The following GTSF1 variants were observed in gnomAD, a reference collection of about 807,000 sequenced individuals.
GTSF1 encodes gametocyte specific factor 1, also known as gametocyte-specific factor 1.
In GTSF1, 11 loss-of-function variants were observed where a neutral mutation model predicts 28.9. The observed-to-expected ratio is 0.38, with a 90% confidence interval of 0.24 to 0.63. The LOEUF is 0.63. Among genes scored for constraint, GTSF1 ranks in the 30% least tolerant of loss-of-function variants. GTSF1 has a pLI of 0.56. For synonymous variants in GTSF1, 69 were observed against 65.6 expected, an observed-to-expected ratio of 1.05 and a Z score of -0.25; for missense variants, 146 against 201.0, an observed-to-expected ratio of 0.73 and a Z score of 1.66.
At chr12:54,456,863 A>C (rs940500728) in intron 8 of GTSF1, among the ~76,000 whole-genome samples, 1 of 152,140 alleles carries the variant, frequency 6.6e-6, no homozygotes, top group African/African-American at 2.4e-5. Context: ...GGCGGGTGGA[A>C]CACCTGAGGT....
intron 6 of GTSF1, 96 bp from the exon 7 acceptor site, chr12:54,460,567 AAAC>A: frequency 1.3e-6 from 1 of 771,196 alleles, no homozygotes; most frequent in Admixed American, 2.3e-5. Flanking sequence ...ATTTGGGGAA[AAAC>A]AACAACCTAC....
intron 6 of GTSF1, 28 bp from the exon 7 acceptor site, chr12:54,460,499 G>A (rs756342848): frequency 6.0e-6 from 9 of 1,505,442 alleles, no homozygotes; most frequent in East Asian, 2.3e-5. Context: ...TGGCTATGTC[G>A]GCAGATCAGT....
intron 4 of GTSF1, 151 bp from the exon 5 acceptor site, chr12:54,462,876 C>G (rs1956447299): frequency 3.2e-6 from 2 of 632,338 alleles, no homozygotes. Context: ...GGGATCTTAT[C>G]TCTTTGCTGA....
chr12:54,463,262 A>G lies in GTSF1; in HGVS notation c.153T>C (p.Cys51=). ...GAACCTGGTGGCGAGCATTGAAGGG[A>G]CAAGTAGCCAATTTGCTTGCAACAT... ...HPDVASKLAT[C]PFNARHQVPR... is the part of the protein sequence containing the mutation. Residue 51 remains cysteine (C), a synonymous_variant, in exon 4 of 9, where the codon TGT becomes TGC. Coordinates refer to ENST00000305879, the MANE Select transcript of GTSF1 (RefSeq NM_144594.3). 6.2e-7 allele frequency: 1 copy of G among 1,613,956 alleles called. No homozygotes were observed. Among genetic ancestry groups the G allele is most frequent in the Non-Finnish European group, 8.5e-7 (1 of 1,179,848 alleles).
chr12:54,463,419 T>C, intron 3 of GTSF1, 122 bp from the exon 4 acceptor site: 1 of 801,998 alleles, frequency 1.2e-6, no homozygotes, highest in Non-Finnish European at 2.0e-6. Context: ...CTGGCTTAAC[T>C]ATAACAAGTA....
chr12:54,457,986 G>A (rs909362689), intron 8 of GTSF1, among the ~76,000 whole-genome samples: 8 of 152,182 alleles, frequency 5.3e-5, no homozygotes, highest in Non-Finnish European at 1.0e-4. Flanking sequence ...ACTACAAAAT[G>A]AAACTAACTC....
intron 7 of GTSF1, 104 bp from the exon 8 acceptor site, chr12:54,459,229 T>C (rs1302209713): frequency 6.9e-7 from 1 of 1,445,448 alleles, no homozygotes; most frequent in African/African-American, 1.4e-5. Flanking sequence ...GTATACTGAA[T>C]TATAATATAA....
At chr12:54,472,130 GAT>G in intron 1 of GTSF1, 1 of 149,596 alleles carries the variant, frequency 6.7e-6, no homozygotes, top group African/African-American at 2.5e-5. Context: ...TAAAAATACA[GAT>G]AGGCAGGTTA....
intron 2 of GTSF1, chr12:54,467,058 G>A (rs1956527815): frequency 6.6e-6 from 1 of 151,862 alleles, no homozygotes; most frequent in Non-Finnish European, 1.5e-5. Flanking sequence ...CCTTATTGTT[G>A]TGCAACTAGT....
At chr12:54,462,576 C>T (rs1480085750) in intron 5 of GTSF1, 66 bp downstream of exon 5, 1 of 1,345,004 alleles carries the variant, frequency 7.4e-7, no homozygotes, top group South Asian at 1.2e-5. Context: ...GAAAATCTTC[C>T]TTCTGTCTTA....
chr12:54,464,997 T>C, intron 3 of GTSF1, 70 bp downstream of exon 3: 1 of 871,422 alleles, frequency 1.1e-6, no homozygotes, highest in Non-Finnish European at 1.8e-6. Context: ...GATAAAATTA[T>C]TTGATATTTA....
intron 2 of GTSF1, among the ~76,000 whole-genome samples, chr12:54,470,718 T>C (rs568509129): frequency 6.6e-6 from 1 of 152,100 alleles, no homozygotes. Context: ...CTATGTAAAC[T>C]TGGGCAAAAT....
chr12:54,456,728 A>C (rs779811525), intron 8 of GTSF1, among the ~76,000 whole-genome samples: 6 of 152,260 alleles, frequency 3.9e-5, no homozygotes, highest in Admixed American at 6.5e-5. Flanking sequence ...GCATAGTCAT[A>C]TCTTTTATTT....
intron 4 of GTSF1, 96 bp from the exon 5 acceptor site, chr12:54,462,821 T>C (rs1956446520): frequency 3.3e-6 from 3 of 917,762 alleles, no homozygotes; most frequent in African/African-American, 1.7e-5. Flanking sequence ...GGGTAGCCTG[T>C]TGGGTCTTTA....
intron 6 of GTSF1, among the ~76,000 whole-genome samples, chr12:54,461,638 C>G (rs1481808184): frequency 6.6e-6 from 1 of 151,962 alleles, no homozygotes; most frequent in Non-Finnish European, 1.5e-5. Context: ...GTCCCTGTCT[C>G]TAAAAAAATA....
At chr12:54,463,567 G>A (rs906904471) in intron 3 of GTSF1, among the ~76,000 whole-genome samples, 1 of 152,150 alleles carries the variant, frequency 6.6e-6, no homozygotes, top group African/African-American at 2.4e-5. Flanking sequence ...AATGAATTTA[G>A]GATTGGGTAT....
intron 8 of GTSF1, among the ~76,000 whole-genome samples, chr12:54,457,991 T>C (rs971767243): frequency 1.3e-5 from 2 of 152,210 alleles, no homozygotes; most frequent in South Asian, 2.1e-4. Context: ...AAAATGAAAC[T>C]AACTCACAGA....
intron 3 of GTSF1, 89 bp from the exon 4 acceptor site, chr12:54,463,386 C>T (rs1663812081): frequency 8.3e-7 from 1 of 1,207,982 alleles, no homozygotes; most frequent in African/African-American, 1.5e-5. Flanking sequence ...CAAATGCCTC[C>T]CCTAAAATTC....
Position 54,462,093 on chromosome 12 carries a change from A to T in GTSF1, c.392+16T>A. 6.2e-7 allele frequency: 1 copy of T among 1,601,044 alleles called. No homozygotes were observed. Among genetic ancestry groups the T allele is most frequent in the Non-Finnish European group, 8.6e-7 (1 of 1,168,188 alleles). Reference sequence around the variant, plus strand: ...GATTTTGGGAGACAATGCTGGGATAAGACTATTTCATTTACCTGTTGTTGT... The same window carrying T: ...GATTTTGGGAGACAATGCTGGGATATGACTATTTCATTTACCTGTTGTTGT... On this transcript the variant is annotated intron_variant, in intron 6 of 8. Coordinates refer to ENST00000305879, the MANE Select transcript of GTSF1 (RefSeq NM_144594.3).
Sources: allele counts gnomAD v4.1 joint callset (sites outside exome capture counted in the v4.1 genomes callset), GRCh38; gene constraint gnomAD v4.1.1; transcripts MANE v1.5; gene names NCBI Gene and HGNC (gene_info 2026-07-23, HGNC 2026-07-21).